BMAL1: variants seen among roughly 807,000 people sequenced by gnomAD.
BMAL1 encodes basic helix-loop-helix ARNT like 1, also known as basic helix-loop-helix ARNT-like protein 1.
At chr11:13,355,293 A>G in the BMAL1 span, 1 of 1,613,910 alleles carries the variant, frequency 6.2e-7, no homozygotes, top group Non-Finnish European at 8.5e-7. Context: ...GCTATGATTA[A>G]TATGTAAGTT....
chr11:13,383,701 A>C, the BMAL1 span, among the ~76,000 whole-genome samples: 4 of 151,812 alleles, frequency 2.6e-5, no homozygotes, highest in East Asian at 7.8e-4. Flanking sequence ...AATACAAAAA[A>C]AATTATCCAG....
the BMAL1 span, among the ~76,000 whole-genome samples, chr11:13,315,444 C>T: frequency 1.0e-3 from 159 of 152,294 alleles, no homozygotes; most frequent in African/African-American, 3.6e-3. Flanking sequence ...ATGCTTCATG[C>T]GTAGCTACTT....
At chr11:13,360,867 C>G in the BMAL1 span, among the ~76,000 whole-genome samples, 1 of 152,182 alleles carries the variant, frequency 6.6e-6, no homozygotes, top group Non-Finnish European at 1.5e-5. Flanking sequence ...CCTATAATCC[C>G]AGCACTTTGA....
At chr11:13,310,672 C>T in the BMAL1 span, among the ~76,000 whole-genome samples, 1 of 152,202 alleles carries the variant, frequency 6.6e-6, no homozygotes, top group African/African-American at 2.4e-5. Flanking sequence ...GGCAGTGTTC[C>T]AGTAAAACTT....
At chr11:13,290,128 G>A in the BMAL1 span, among the ~76,000 whole-genome samples, 1 of 152,322 alleles carries the variant, frequency 6.6e-6, no homozygotes, top group South Asian at 2.1e-4. Flanking sequence ...TTTCTCTGAT[G>A]ACCAGTGATG....
the BMAL1 span, chr11:13,375,571 C>G: frequency 6.6e-7 from 1 of 1,506,780 alleles, no homozygotes; most frequent in Non-Finnish European, 8.9e-7. Flanking sequence ...ATACTTTGGT[C>G]TGAGAAAACA....
the BMAL1 span, among the ~76,000 whole-genome samples, chr11:13,282,397 AAT>A: frequency 6.6e-6 from 1 of 152,318 alleles, no homozygotes; most frequent in African/African-American, 2.4e-5. Flanking sequence ...ACACTCAGTG[AAT>A]GTTGCTGTCA....
At chr11:13,314,935 A>G in the BMAL1 span, among the ~76,000 whole-genome samples, 2,852 of 152,304 alleles carry the variant, frequency 0.019, 82 homozygotes, top group African/African-American at 0.064. Flanking sequence ...CATGGGAGCT[A>G]GCACAATGCA....
At chr11:13,342,171 C>T in the BMAL1 span, among the ~76,000 whole-genome samples, 2 of 152,198 alleles carry the variant, frequency 1.3e-5, no homozygotes, top group Non-Finnish European at 2.9e-5. Context: ...TGGGGGAAAA[C>T]TCTTGCAAAA....
the BMAL1 span, among the ~76,000 whole-genome samples, chr11:13,278,230 A>G: frequency 2.0e-5 from 3 of 152,120 alleles, no homozygotes; most frequent in Admixed American, 6.5e-5. Context: ...GGGGCCGGGA[A>G]AGTGTTCGCT....
At chr11:13,328,271 T>C in the BMAL1 span, among the ~76,000 whole-genome samples, 9 of 152,236 alleles carry the variant, frequency 5.9e-5, no homozygotes, top group Admixed American at 5.9e-4. Context: ...TTTAATATTC[T>C]CAATTCAGGT....
the BMAL1 span, among the ~76,000 whole-genome samples, chr11:13,293,645 C>A: frequency 6.6e-6 from 1 of 152,256 alleles, no homozygotes; most frequent in Non-Finnish European, 1.5e-5. Context: ...CTGCTCTCCA[C>A]TGGTCAAGGC....
the BMAL1 span, among the ~76,000 whole-genome samples, chr11:13,355,992 A>AG: frequency 6.6e-6 from 1 of 152,120 alleles, no homozygotes; most frequent in African/African-American, 2.4e-5. Flanking sequence ...GAAGGCGGTG[A>AG]GGGGGATTTG....
the BMAL1 span, among the ~76,000 whole-genome samples, chr11:13,370,625 A>C: frequency 6.6e-6 from 1 of 152,098 alleles, no homozygotes; most frequent in African/African-American, 2.4e-5. Flanking sequence ...GTTCTCTGAA[A>C]TGTTTGTCCC....
the BMAL1 span, among the ~76,000 whole-genome samples, chr11:13,323,292 A>G: frequency 6.6e-6 from 1 of 152,178 alleles, no homozygotes; most frequent in Non-Finnish European, 1.5e-5. Flanking sequence ...TATATTGGCA[A>G]GCCCCAAATC....
the BMAL1 span, among the ~76,000 whole-genome samples, chr11:13,325,695 G>GTGTGTGTGTGTGT: frequency 4.6e-5 from 7 of 151,222 alleles, no homozygotes; most frequent in African/African-American, 9.7e-5. Context: ...GTGTGTGTGT[G>GTGTGTGTGTGTGT]GGCTTGAATG....
the BMAL1 span, among the ~76,000 whole-genome samples, chr11:13,338,160 A>C: frequency 6.6e-6 from 1 of 152,312 alleles, no homozygotes; most frequent in Admixed American, 6.5e-5. Context: ...GCTCAGAAAA[A>C]TGAAACTGAA....
the BMAL1 span, among the ~76,000 whole-genome samples, chr11:13,281,454 C>G: frequency 1.3e-5 from 2 of 152,168 alleles, no homozygotes; most frequent in African/African-American, 2.4e-5. Context: ...AAAACTTTGT[C>G]GTGAGTTCCT....
the BMAL1 span, among the ~76,000 whole-genome samples, chr11:13,323,096 C>T: frequency 1.3e-5 from 2 of 151,652 alleles, no homozygotes; most frequent in African/African-American, 2.4e-5. Context: ...TGCACCCAGC[C>T]GTTGTGAGCA....
Sources: allele counts gnomAD v4.1 joint callset (sites outside exome capture counted in the v4.1 genomes callset), GRCh38; gene constraint gnomAD v4.1.1; transcripts MANE v1.5; gene names NCBI Gene and HGNC (gene_info 2026-07-23, HGNC 2026-07-21).